RPN1: variants seen among roughly 807,000 people sequenced by gnomAD.
RPN1 encodes ribophorin I.
A neutral mutation model predicts 55.5 loss-of-function variants in RPN1; 12 were observed. The ratio of observed to expected loss-of-function variants is 0.22; its 90% CI spans 0.14 to 0.35. The LOEUF is 0.35. RPN1 is among the 10% of genes least tolerant of loss of function. RPN1 has a pLI of 1.00. For missense variants in RPN1, 679 were observed against 761.3 expected (o/e 0.89, Z 1.27); for synonymous variants, 317 against 305.9 (o/e 1.04, Z -0.38).
chr3:128,637,878 T>C lies in RPN1; in HGVS notation c.554A>G (p.Tyr185Cys), dbSNP rs1403618431. 9 of 1,614,160 alleles carry C rather than the reference T, an allele frequency of 5.6e-6. No homozygotes were observed. Among genetic ancestry groups the C allele is most frequent in the Non-Finnish European group, 7.6e-6 (9 of 1,180,040 alleles). Residue 185 changes from tyrosine to cysteine, a missense_variant, in exon 3 of 10, where the codon TAC becomes TGC. Tyr to Cys is a radical substitution (Grantham distance 194, BLOSUM62 -2). Transcript: ENST00000296255. ...GCGCGTGGGGTTCCCCAGCTTGGTG[T>C]AGCTCTCCACATTTCGAGAGGCAAG... Reference protein sequence around the residue: ...VKLASRNVESYTKLGNPTRSE... With the variant: ...VKLASRNVESCTKLGNPTRSE...
At chr3:128,638,211 T>A in intron 2 of RPN1, 106 bp from the exon 3 acceptor site, 1 of 756,990 alleles carries the variant, frequency 1.3e-6, no homozygotes, top group Non-Finnish European at 2.2e-6. Context: ...CAAAAGCAAT[T>A]ATCTTTAAGA....
intron 1 of RPN1, among the ~76,000 whole-genome samples, chr3:128,646,080 T>TA (rs1048560191): frequency 1.3e-5 from 2 of 151,064 alleles, no homozygotes; most frequent in Non-Finnish European, 2.9e-5. Context: ...CCATCTCTAC[T>TA]AAAAAAACAA....
At position 128,626,793 on chromosome 3, in the gene RPN1, A is replaced by G; in HGVS notation, c.1076T>C (p.Val359Ala). 1 of 1,614,186 alleles carries G rather than the reference A, an allele frequency of 6.2e-7. No homozygotes were observed. The highest frequency in any genetic ancestry group is 8.5e-7 in the Non-Finnish European group (1 of 1,180,040). Residue 359 changes from valine (V) to alanine (A), a missense_variant, in exon 6 of 10, where the codon GTG (valine) becomes GCG (alanine). Physicochemically the swap from Val to Ala is moderately conservative, Grantham distance 64. Around this residue, in one of 3 missense-constraint regions of RPN1, gnomAD observed 306 missense variants for 360.0 expected, o/e 0.85. Coordinates refer to ENST00000296255, the MANE Select transcript of RPN1 (RefSeq NM_002950.4). ...AGAATCTATCACTTGTTCATCAAACACATGGTCCACAAACCTCATCTTCAG... is the reference window on the plus strand; with the variant it reads ...AGAATCTATCACTTGTTCATCAAACGCATGGTCCACAAACCTCATCTTCAG... The part of the protein sequence containing the change: ...YALKMRFVDH[V>A]FDEQVIDSLT...
rs758215760 is a variant in RPN1, at chr3:128,622,379, C to G, written c.1426G>C (p.Ala476Pro). 18 of 1,614,072 alleles carry G rather than the reference C, an allele frequency of 1.1e-5. No homozygotes were observed. Among genetic ancestry groups the G allele is most frequent in the Non-Finnish European group, 1.5e-5 (18 of 1,180,030 alleles). The change falls in exon 9 of 10, where the codon GCC (alanine) becomes CCC (proline). Residue 476 changes from alanine to proline, a missense_variant. Physicochemically the swap from Ala to Pro is conservative, Grantham distance 27. Transcript: ENST00000296255. Reference protein sequence around the residue: ...DPAAEARMKVACITEQVLTLV... With the variant: ...DPAAEARMKVPCITEQVLTLV... ...GTCAAGACCTGCTCTGTGATGCAGG[C>G]TACCTTCATCCTGGCTTCTGCGGCT...
intron 4 of RPN1, among the ~76,000 whole-genome samples, chr3:128,630,812 C>T (rs1344710838): frequency 6.6e-6 from 1 of 152,142 alleles, no homozygotes; most frequent in Non-Finnish European, 1.5e-5. Context: ...TTCAAATTTT[C>T]ACTTAAAAAA....
chr3:128,624,658 G>A (rs189679112), intron 8 of RPN1, among the ~76,000 whole-genome samples: 1 of 152,108 alleles, frequency 6.6e-6, no homozygotes, highest in Admixed American at 6.5e-5. Flanking sequence ...CACCTCCTCA[G>A]GGTAGCCTTG....
intron 8 of RPN1, among the ~76,000 whole-genome samples, chr3:128,624,794 C>T (rs1283707550): frequency 2.6e-5 from 4 of 152,092 alleles, no homozygotes; most frequent in African/African-American, 9.7e-5. Context: ...GGAGATCGCG[C>T]CACTGCACTC....
intron 4 of RPN1, among the ~76,000 whole-genome samples, chr3:128,630,986 G>A (rs1297296685): frequency 2.6e-5 from 4 of 152,002 alleles, no homozygotes; most frequent in Admixed American, 6.6e-5. Context: ...GGTGGCGGGC[G>A]CCTGTAGTCC....
rs1368301914 is a variant in RPN1, at chr3:128,630,219, T to A, written c.844-76A>T. On this transcript the variant is annotated intron_variant, in intron 4 of 9. Coordinates refer to ENST00000296255, the MANE Select transcript of RPN1 (RefSeq NM_002950.4). ...GAAATGATCCTAAACACAGAAGACTTCCTGCACCAAGATCCTCACATGGTA... is the reference window on the plus strand; with the variant it reads ...GAAATGATCCTAAACACAGAAGACTACCTGCACCAAGATCCTCACATGGTA... The A allele has an allele frequency of 9.5e-6, 9 of 950,784 alleles. No individual in the cohort carries two copies. In the South Asian group the frequency reaches 1.5e-4, roughly 16 times the overall value. 58.9% of individuals were successfully genotyped at this position (950,784 alleles called of 1,614,324 possible).
chr3:128,625,819 C>CA, intron 7 of RPN1, 55 bp downstream of exon 7: 1 of 1,573,422 alleles, frequency 6.4e-7, no homozygotes, highest in Non-Finnish European at 8.7e-7. Context: ...TCTTGGCCCC[C>CA]AGAGCCCACT....
chr3:128,650,786 G>T lies in RPN1; in HGVS notation c.15C>A (p.Ala5=), dbSNP rs919717895. Residue 5 remains alanine (A), a synonymous_variant, in exon 1 of 10, where the codon GCC becomes GCA. Transcript: ENST00000296255. The stretch of plus-strand genomic sequence containing the variant: ...GCAACAGGAGCAGAAACAAGCCGGC[G>T]GCTGGCGCCTCCATGACCGGGAAGA... The part of the protein sequence containing the change: MEAP[A]AGLFLLLLLG... The T allele has an allele frequency of 6.5e-7, 1 of 1,536,140 alleles. No homozygotes were observed. The highest frequency in any genetic ancestry group is 1.2e-5 in the South Asian group (1 of 83,364).
rs1049087027 is a variant in RPN1, at chr3:128,634,668, T to C, written c.634-2511A>G. Among the ~76,000 whole-genome samples, 7 of 151,660 alleles carry C rather than the reference T, an allele frequency of 4.6e-5. No individual in the cohort carries two copies. In the South Asian group the frequency reaches 8.3e-4, roughly 18 times the overall value. ...ACTTCCACCTCCCAGGTTCAAGTGA[T>C]TCTCCTGCCTCGGCCTCTCAAGTAG... On this transcript the variant is annotated intron_variant, in intron 3 of 9. Coordinates refer to ENST00000296255, the MANE Select transcript of RPN1 (RefSeq NM_002950.4).
chr3:128,624,155 A>G (rs2069581200), intron 8 of RPN1, among the ~76,000 whole-genome samples: 1 of 152,140 alleles, frequency 6.6e-6, no homozygotes, highest in Non-Finnish European at 1.5e-5. Context: ...TCCCTCAAAC[A>G]CTGTATTGAG....
intron 3 of RPN1, among the ~76,000 whole-genome samples, chr3:128,635,690 T>TATATACACACAC (rs376139334): frequency 1.7e-4 from 23 of 138,272 alleles, no homozygotes; most frequent in Non-Finnish European, 3.2e-4. Context: ...TCTATAGATA[T>TATATACACACAC]ACACACACAC....
rs2069592389 is a variant in RPN1 at position 128,625,594 on chromosome 3, G to GGCC, written c.1332_1334dup (p.Ala445dup). 1 of 1,613,966 alleles carries GGCC rather than the reference G, an allele frequency of 6.2e-7. No individual in the cohort carries two copies. Among genetic ancestry groups the GGCC allele is most frequent in the African/African-American group, 1.3e-5 (1 of 74,890 alleles). On this transcript the variant is annotated inframe_insertion, in exon 8 of 10. Coordinates refer to ENST00000296255, the MANE Select transcript of RPN1 (RefSeq NM_002950.4). The stretch of plus-strand genomic sequence containing the variant: ...TAACGGTGAAGAACAGGATGTAGAA[G>GGCC]GCCGCCACCACCAGCAGGGGCTCCT...
rs746478039 is a variant in RPN1, at chr3:128,622,290, T to C, written c.1515A>G (p.Gln505=). 2.0e-5 allele frequency: 32 copies of C among 1,613,904 alleles called. No individual in the cohort carries two copies. The South Asian group carries it at 2.3e-4, about 12-fold the overall frequency. Residue 505 remains glutamine (Q), a synonymous_variant, in exon 9 of 10, where the codon CAA becomes CAG. Transcript: ENST00000296255. The part of the protein sequence containing the change: ...HFDETVNRYK[Q]SRDISTLNSG... ...TGTTGAGGGTGGAGATGTCCCGGGA[T>C]TGCTTGTACCTATTGACGGTCTCGT...
At position 128,625,562 on chromosome 3, in the gene RPN1, T is replaced by C. The variant is rs775610495; in HGVS notation, c.1367A>G (p.Tyr456Cys). 5.6e-6 allele frequency: 9 copies of C among 1,613,882 alleles called. No individual in the cohort carries two copies. Among genetic ancestry groups the C allele is most frequent in the Non-Finnish European group, 5.9e-6 (7 of 1,180,012 alleles). The change falls in exon 8 of 10, where the codon TAT becomes TGT. Residue 456 changes from tyrosine to cysteine, a missense_variant. Tyr to Cys is a radical substitution (Grantham distance 194). Transcript: ENST00000296255. ...FYILFFTVII[Y>C]VRLDFSITKD... ...GGTGATGGAGAAGTCCAGCCGAACA[T>C]AGATGATAACGGTGAAGAACAGGAT...
At chr3:128,623,988 A>G (rs536633335) in intron 8 of RPN1, among the ~76,000 whole-genome samples, 1 of 151,814 alleles carries the variant, frequency 6.6e-6, no homozygotes, top group South Asian at 2.1e-4. Flanking sequence ...AGCAGAAATA[A>G]TTACACACAC....
chr3:128,629,557 G>A (rs553995217), intron 5 of RPN1, among the ~76,000 whole-genome samples: 4 of 152,044 alleles, frequency 2.6e-5, no homozygotes, highest in South Asian at 2.1e-4. Flanking sequence ...GTGAGATTCC[G>A]TCTCAAAAAA....
Sources: allele counts gnomAD v4.1 joint callset (sites outside exome capture counted in the v4.1 genomes callset), GRCh38; gene constraint gnomAD v4.1.1; regional missense constraint gnomAD v4.1.1; transcripts MANE v1.5; gene names NCBI Gene and HGNC (gene_info 2026-07-23, HGNC 2026-07-21).